MCU: variants seen among roughly 807,000 people sequenced by gnomAD.
MCU encodes the protein calcium uniporter protein, mitochondrial.
A neutral mutation model predicts 45.2 loss-of-function variants in MCU; 12 were observed. The observed-to-expected ratio is 0.27, with a 90% CI of 0.17 to 0.43. MCU has a LOEUF of 0.43. MCU is among the 20% of genes least tolerant of loss of function. MCU has a pLI of 1.00. For synonymous variants in MCU, 160 were observed against 165.1 expected, an observed-to-expected ratio of 0.97 and a Z score of 0.24; for missense variants, 324 against 436.7, an observed-to-expected ratio of 0.74 and a Z score of 2.30.
In MCU at chr10:72,860,485, G is replaced by C. The variant is rs761769622; in HGVS notation, c.454G>C (p.Val152Leu). ...CCTCCTCCTTGATGACTTTAAGCTGGTCATTAATGACTTAACATACCACGT... is the reference window on the plus strand; with the variant it reads ...CCTCCTCCTTGATGACTTTAAGCTGCTCATTAATGACTTAACATACCACGT... The part of the protein sequence containing the change: ...DLLLLDDFKL[V>L]INDLTYHVRP... The change falls in exon 4 of 8, where the codon GTC becomes CTC. Residue 152 changes from valine (V) to leucine (L), a missense_variant. By Grantham distance (32) the Val-to-Leu change is conservative. Around this residue, in one of 4 missense-constraint regions of MCU, gnomAD observed 135 missense variants for 207.3 expected, o/e 0.65. Transcript: ENST00000373053. The C allele has an allele frequency of 1.3e-5, 21 of 1,613,820 alleles. No individual in the cohort carries two copies. In the South Asian group the frequency reaches 2.3e-4, roughly 18 times the overall value.
intron 1 of MCU, among the ~76,000 whole-genome samples, chr10:72,700,114 C>T (rs974980151): frequency 4.2e-5 from 6 of 142,626 alleles, no homozygotes; most frequent in Admixed American, 3.0e-4. Flanking sequence ...GGCTGGAGTG[C>T]AATGGTGTGA....
At chr10:72,869,048 T>G (rs2132882191) in intron 5 of MCU, among the ~76,000 whole-genome samples, 185 bp downstream of exon 5, 1 of 152,318 alleles carries the variant, frequency 6.6e-6, no homozygotes, top group South Asian at 2.1e-4. Context: ...AAGGAATCAT[T>G]TGGAGCCTTG....
At chr10:72,827,965 T>A (rs543835976) in intron 1 of MCU, among the ~76,000 whole-genome samples, 1 of 152,314 alleles carries the variant, frequency 6.6e-6, no homozygotes, top group South Asian at 2.1e-4. Context: ...GCTGATATGA[T>A]GCTTCAACAA....
chr10:72,754,889 G>A (rs1456173691), intron 1 of MCU, among the ~76,000 whole-genome samples: 1 of 152,174 alleles, frequency 6.6e-6, no homozygotes, highest in African/African-American at 2.4e-5. Flanking sequence ...CCAGTTTGCA[G>A]ACATTTTTTG....
intron 1 of MCU, among the ~76,000 whole-genome samples, chr10:72,795,883 G>A (rs530583508): frequency 1.3e-5 from 2 of 151,566 alleles, no homozygotes; most frequent in Admixed American, 6.6e-5. Flanking sequence ...CTGTAATCCC[G>A]GGTACTCTGG....
chr10:72,774,918 C>T (rs1390466675), intron 1 of MCU, among the ~76,000 whole-genome samples: 1 of 151,976 alleles, frequency 6.6e-6, no homozygotes, highest in Non-Finnish European at 1.5e-5. Context: ...GTTAGTAGAT[C>T]TAAAGGGAAA....
At chr10:72,882,727 C>T (rs1564583922) in intron 6 of MCU, among the ~76,000 whole-genome samples, 1 of 152,178 alleles carries the variant, frequency 6.6e-6, no homozygotes, top group Non-Finnish European at 1.5e-5. Context: ...CCTGTGATCT[C>T]GCCCTGCCTC....
chr10:72,822,361 T>C (rs778055849), intron 1 of MCU, among the ~76,000 whole-genome samples: 2 of 152,132 alleles, frequency 1.3e-5, no homozygotes, highest in Non-Finnish European at 2.9e-5. Context: ...AAAAAGGCAA[T>C]GCCACCACAC....
At chr10:72,833,211 T>C (rs1239309806) in intron 1 of MCU, among the ~76,000 whole-genome samples, 2 of 152,210 alleles carry the variant, frequency 1.3e-5, no homozygotes, top group African/African-American at 2.4e-5. Context: ...AGATGTATTA[T>C]TCACTGTATG....
intron 1 of MCU, among the ~76,000 whole-genome samples, chr10:72,742,092 C>A (rs1843343702): frequency 6.6e-6 from 1 of 151,506 alleles, no homozygotes; most frequent in Non-Finnish European, 1.5e-5. Context: ...ATGGATGGTC[C>A]CATAAGATTA....
chr10:72,818,775 A>G (rs1844664421), intron 1 of MCU, among the ~76,000 whole-genome samples: 1 of 150,924 alleles, frequency 6.6e-6, no homozygotes, highest in East Asian at 2.0e-4. Flanking sequence ...TGGGAGGCAG[A>G]GGTTGCAGTG....
intron 7 of MCU, among the ~76,000 whole-genome samples, chr10:72,884,678 AGTT>A (rs1344269569): frequency 7.1e-6 from 1 of 140,338 alleles, no homozygotes; most frequent in Non-Finnish European, 1.6e-5. Context: ...ATTTCTTTGT[AGTT>A]GTCTGTTTCT....
chr10:72,725,647 G>A (rs1351859603), intron 1 of MCU, among the ~76,000 whole-genome samples: 1 of 151,656 alleles, frequency 6.6e-6, no homozygotes, highest in Non-Finnish European at 1.5e-5. Flanking sequence ...CCAACACTTT[G>A]GGAGGCTGAG....
At chr10:72,743,871 G>T (rs1172934941) in intron 1 of MCU, among the ~76,000 whole-genome samples, 2 of 152,050 alleles carry the variant, frequency 1.3e-5, no homozygotes, top group Non-Finnish European at 2.9e-5. Context: ...TTGGTGCCTG[G>T]CAGCAGCTGA....
chr10:72,884,025 A>G (rs1219177151), intron 6 of MCU, among the ~76,000 whole-genome samples: 1 of 152,152 alleles, frequency 6.6e-6, no homozygotes, highest in Non-Finnish European at 1.5e-5. Context: ...GCAGAGTTCT[A>G]TTTTTATAAA....
chr10:72,716,349 C>A (rs1367247910), intron 1 of MCU, among the ~76,000 whole-genome samples: 1 of 152,224 alleles, frequency 6.6e-6, no homozygotes, highest in South Asian at 2.1e-4. Flanking sequence ...AGACCTGTGT[C>A]ATAATGCTGA....
At chr10:72,718,612 A>G (rs575401053) in intron 1 of MCU, among the ~76,000 whole-genome samples, 11 of 152,348 alleles carry the variant, frequency 7.2e-5, no homozygotes, top group East Asian at 5.8e-4. Context: ...TGCATGCCCT[A>G]TGACTCAGGA....
chr10:72,709,937 G>T (rs1842868993), intron 1 of MCU, among the ~76,000 whole-genome samples: 2 of 152,160 alleles, frequency 1.3e-5, no homozygotes, highest in Non-Finnish European at 2.9e-5. Flanking sequence ...GTGGCCAACT[G>T]CCACAAAGTT....
chr10:72,756,711 C>T (rs1843581286), intron 1 of MCU: 1 of 152,138 alleles, frequency 6.6e-6, no homozygotes, highest in Non-Finnish European at 1.5e-5. Flanking sequence ...TTAGTGTTTG[C>T]CATCTATTTT....
Sources: gnomAD v4.1 joint callset for allele counts (sites outside exome capture counted in the v4.1 genomes callset) on GRCh38, gnomAD v4.1.1 for gene constraint, gnomAD v4.1.1 regional missense constraint, MANE v1.5 for transcripts, NCBI Gene and HGNC (gene_info 2026-07-23, HGNC 2026-07-21) for gene names.